Variants in MTUS2 observed in about 807,000 individuals in gnomAD.
MTUS2 encodes the protein microtubule-associated tumor suppressor candidate 2.
Under a neutral mutation model 114.1 loss-of-function variants are expected in MTUS2, and 40 were observed. The ratio of observed to expected loss-of-function variants is 0.35; its 90% CI spans 0.27 to 0.46. MTUS2 has a LOEUF of 0.46. MTUS2 is among the 20% of genes least tolerant of loss of function. The probability of loss-of-function intolerance (pLI) is 1.00; values close to 1 mark genes in which losing one functional copy is unlikely to be tolerated. For missense variants in MTUS2, 1,679 were observed against 1,705.4 expected (o/e 0.98, Z 0.27); for synonymous variants, 688 against 672.0 (o/e 1.02, Z -0.37).
At chr13:29,254,433 G>C (rs1228381926) in intron 5 of MTUS2, among the ~76,000 whole-genome samples, 1 of 152,232 alleles carries the variant, frequency 6.6e-6, no homozygotes, top group African/African-American at 2.4e-5. Context: ...AGAGGCATTT[G>C]TCAATCAAGT....
At chr13:29,456,934 G>A (rs1391384839) in intron 9 of MTUS2, among the ~76,000 whole-genome samples, 2 of 151,802 alleles carry the variant, frequency 1.3e-5, no homozygotes, top group African/African-American at 4.8e-5. Context: ...TCAGGAGATG[G>A]AGACCATCCT....
chr13:28,995,094 G>C (rs1412620344), intron 2 of MTUS2, among the ~76,000 whole-genome samples: 1 of 152,194 alleles, frequency 6.6e-6, no homozygotes, highest in Non-Finnish European at 1.5e-5. Context: ...GTAAGGAAGG[G>C]ATCCAGTTTC....
intron 8 of MTUS2, among the ~76,000 whole-genome samples, chr13:29,380,425 G>C (rs1872115240): frequency 6.6e-6 from 1 of 152,234 alleles, no homozygotes; most frequent in Admixed American, 6.5e-5. Context: ...ATAGTTTGAA[G>C]TGGGGAGTTC....
intron 8 of MTUS2, among the ~76,000 whole-genome samples, chr13:29,389,512 TGTGTATGTGTATATATGTATACAC>T (rs1175035604): frequency 1.1e-4 from 9 of 78,570 alleles, no homozygotes; most frequent in South Asian, 5.1e-4. Flanking sequence ...TATACACGTG[TGTGTATGTGTATATATGTATACAC>T]GTGTGTATAT....
At position 29,160,735 on chromosome 13, in the gene MTUS2, A is replaced by T. The variant is rs564671939; in HGVS notation, c.2644+59765A>T. 2.0e-5 allele frequency among the ~76,000 whole-genome samples: 3 copies of T among 150,954 alleles called. No homozygotes were observed. In the East Asian group the frequency reaches 5.9e-4, roughly 30 times the overall value. ...CAGTGAGCTGAGACTGGGCCACTGT[A>T]CTCCAGCCTGGGTGACAGAGCGAGA... is the stretch of plus-strand genomic sequence containing the variant. On this transcript the variant is annotated intron_variant, in intron 5 of 15. Coordinates refer to ENST00000612955, the MANE Select transcript of MTUS2 (RefSeq NM_001033602.4).
At chr13:29,357,913 C>T (rs1388311123) in intron 7 of MTUS2, among the ~76,000 whole-genome samples, 2 of 152,170 alleles carry the variant, frequency 1.3e-5, no homozygotes, top group African/African-American at 4.8e-5. Flanking sequence ...ACCACTTTCC[C>T]CTTAAAAGAT....
intron 5 of MTUS2, among the ~76,000 whole-genome samples, chr13:29,267,544 G>A (rs1485844964): frequency 6.6e-6 from 1 of 152,190 alleles, no homozygotes; most frequent in Non-Finnish European, 1.5e-5. Context: ...ATCAGCAGTT[G>A]TTTATTGAAT....
intron 2 of MTUS2, among the ~76,000 whole-genome samples, chr13:28,892,830 G>A (rs561193650): frequency 1.3e-5 from 2 of 152,224 alleles, no homozygotes; most frequent in East Asian, 3.8e-4. Flanking sequence ...GGCAGAAAGT[G>A]ATGCAAGCCA....
chr13:28,984,826 A>G lies in MTUS2; in HGVS notation c.-242-39631A>G, dbSNP rs1315832839. On this transcript the variant is annotated intron_variant, in intron 2 of 15. Coordinates refer to ENST00000612955, the MANE Select transcript of MTUS2 (RefSeq NM_001033602.4). ...TCAGATACGTTATTTCTGAAGTGAA[A>G]CATGGGCATTCACACTAAATGAGAT... Among the ~76,000 whole-genome samples, 4 of 152,368 alleles carry G rather than the reference A, an allele frequency of 2.6e-5. No individual in the cohort carries two copies. In the East Asian group the frequency reaches 7.7e-4, roughly 29 times the overall value.
At chr13:29,432,265 A>G (rs970444091) in intron 8 of MTUS2, among the ~76,000 whole-genome samples, 2 of 152,094 alleles carry the variant, frequency 1.3e-5, no homozygotes, top group African/African-American at 2.4e-5. Flanking sequence ...GAAAGGAATG[A>G]TATGACCCAG....
At chr13:29,274,833 G>T (rs1196260923) in intron 5 of MTUS2, among the ~76,000 whole-genome samples, 3 of 152,142 alleles carry the variant, frequency 2.0e-5, no homozygotes, top group Non-Finnish European at 4.4e-5. Context: ...GGGGTCCAGA[G>T]ATCCTCCAGC....
intron 6 of MTUS2, among the ~76,000 whole-genome samples, chr13:29,298,617 G>A (rs1454882508): frequency 6.6e-6 from 1 of 152,108 alleles, no homozygotes; most frequent in Non-Finnish European, 1.5e-5. Context: ...AAGAAAATGA[G>A]GAAGACCTTG....
chr13:29,036,162 A>C (rs1484770521), intron 4 of MTUS2, among the ~76,000 whole-genome samples: 1 of 149,554 alleles, frequency 6.7e-6, no homozygotes, highest in South Asian at 2.2e-4. Flanking sequence ...AAAAAGAAAG[A>C]AAAATAAAAG....
At chr13:29,267,866 A>G (rs117979563) in intron 5 of MTUS2, among the ~76,000 whole-genome samples, 3,487 of 152,292 alleles carry the variant, frequency 0.023, 66 homozygotes, top group Non-Finnish European at 0.035. Context: ...CCACTGAGTC[A>G]AAGGAAGTGG....
chr13:29,449,032 G>T (rs997827201), intron 9 of MTUS2, among the ~76,000 whole-genome samples: 1 of 152,044 alleles, frequency 6.6e-6, no homozygotes, highest in African/African-American at 2.4e-5. Context: ...GGGATTACAG[G>T]CATGAGCCAC....
At chr13:29,290,614 A>G (rs1193537815) in intron 6 of MTUS2, among the ~76,000 whole-genome samples, 3 of 151,978 alleles carry the variant, frequency 2.0e-5, no homozygotes, top group Non-Finnish European at 2.9e-5. Flanking sequence ...ACAGGCGTTA[A>G]CCACCACGCC....
intron 8 of MTUS2, among the ~76,000 whole-genome samples, chr13:29,389,604 C>T (rs1321853068): frequency 1.9e-5 from 2 of 103,396 alleles, no homozygotes; most frequent in East Asian, 2.6e-4. Context: ...TGTGTGTATA[C>T]GTATACATAT....
chr13:29,026,311 C>T lies in MTUS2; in HGVS notation c.1613C>T (p.Pro538Leu). 1.2e-6 allele frequency: 2 copies of T among 1,613,990 alleles called. No individual in the cohort carries two copies. The highest frequency in any genetic ancestry group is 1.7e-6 in the Non-Finnish European group (2 of 1,179,890). The change falls in exon 3 of 16, where the codon CCA becomes CTA. Residue 538 changes from proline (P) to leucine (L), a missense_variant. By Grantham distance (98) the Pro-to-Leu change is moderately conservative. Around this residue, in one of 3 missense-constraint regions of MTUS2, gnomAD observed 843 missense variants for 770.8 expected, o/e 1.09. Transcript: ENST00000612955. ...CTCAATATTCCAGCACCCCTCCACC[C>T]AGAGACAACTGTGAACATGACCTAC... Reference protein sequence around the residue: ...SVLNIPAPLHPETTVNMTYQP... With the variant: ...SVLNIPAPLHLETTVNMTYQP...
intron 6 of MTUS2, among the ~76,000 whole-genome samples, chr13:29,285,033 T>G (rs1253894797): frequency 6.6e-6 from 1 of 151,646 alleles, no homozygotes; most frequent in Non-Finnish European, 1.5e-5. Context: ...ATAAAAACTA[T>G]GAGGATTCTG....
Sources: gnomAD v4.1 joint callset for allele counts (sites outside exome capture counted in the v4.1 genomes callset) on GRCh38, gnomAD v4.1.1 for gene constraint, gnomAD v4.1.1 regional missense constraint, MANE v1.5 for transcripts, NCBI Gene and HGNC (gene_info 2026-07-23, HGNC 2026-07-21) for gene names.